Variants in RALGAPA2 observed in about 807,000 individuals in gnomAD.
RALGAPA2 encodes ral GTPase-activating protein subunit alpha-2.
In RALGAPA2, 139 loss-of-function variants were observed where a neutral mutation model predicts 230.4. The ratio of observed to expected loss-of-function variants is 0.60; its 90% CI spans 0.53 to 0.69. RALGAPA2 has a LOEUF of 0.69. Ranked by LOEUF, RALGAPA2 falls within the 30% of genes least tolerant of loss-of-function variation. RALGAPA2 has a pLI of 0.00. For synonymous variants in RALGAPA2, 847 were observed against 837.8 expected, an observed-to-expected ratio of 1.01 and a Z score of -0.19; for missense variants, 2,163 against 2,276.0, an observed-to-expected ratio of 0.95 and a Z score of 1.01.
chr20:20,498,522 A>T (rs929649573), intron 35 of RALGAPA2, among the ~76,000 whole-genome samples: 1 of 152,184 alleles, frequency 6.6e-6, no homozygotes. Context: ...TAATTGCATT[A>T]CATCGCCAGC....
At position 20,512,640 on chromosome 20, in the gene RALGAPA2, T is replaced by C; in HGVS notation, c.4729A>G (p.Ser1577Gly). ...QNAQEDEYIQSHNFDSAMKVT... is the reference protein window; with the variant it reads ...QNAQEDEYIQGHNFDSAMKVT... ...TTCATTGCAGAATCGAAGTTATGAC[T>C]CTGGATATACTCATCCTCTTGAGCA... The change falls in exon 32 of 40, where the codon AGT becomes GGT. Residue 1577 changes from serine (S) to glycine (G), a missense_variant. Transcript: ENST00000202677. The C allele has an allele frequency of 6.2e-7, 1 of 1,614,000 alleles. No homozygotes were observed. Among genetic ancestry groups the C allele is most frequent in the South Asian group, 1.1e-5 (1 of 91,078 alleles).
intron 37 of RALGAPA2, among the ~76,000 whole-genome samples, chr20:20,470,724 C>G (rs1226636386): frequency 6.6e-6 from 1 of 152,184 alleles, no homozygotes; most frequent in Non-Finnish European, 1.5e-5. Context: ...TGCAATCTCT[C>G]AACTTGTCAT....
chr20:20,461,204 G>A (rs2061294318), intron 37 of RALGAPA2, among the ~76,000 whole-genome samples: 1 of 152,080 alleles, frequency 6.6e-6, no homozygotes, highest in African/African-American at 2.4e-5. Context: ...TGTTAAAGAG[G>A]CATACATTCT....
At chr20:20,433,107 T>C (rs2060532962) in intron 37 of RALGAPA2, among the ~76,000 whole-genome samples, 1 of 152,230 alleles carries the variant, frequency 6.6e-6, no homozygotes, top group African/African-American at 2.4e-5. Flanking sequence ...AACACTTCTA[T>C]CCATTTGTCT....
chr20:20,464,119 C>A, intron 37 of RALGAPA2, among the ~76,000 whole-genome samples: 1 of 152,256 alleles, frequency 6.6e-6, no homozygotes, highest in South Asian at 2.1e-4. Flanking sequence ...ACAACCTTCC[C>A]GCAACAGACC....
At chr20:20,623,158 T>C (rs560075611) in intron 10 of RALGAPA2, among the ~76,000 whole-genome samples, 1 of 152,244 alleles carries the variant, frequency 6.6e-6, no homozygotes, top group Admixed American at 6.5e-5. Flanking sequence ...TGAATAATGA[T>C]CCAATCAAAA....
intron 1 of RALGAPA2, among the ~76,000 whole-genome samples, chr20:20,703,982 A>C (rs1568778050): frequency 1.3e-5 from 2 of 152,228 alleles, no homozygotes; most frequent in Non-Finnish European, 2.9e-5. Context: ...AGGAAAAAAA[A>C]CAAAGCCTTC....
intron 24 of RALGAPA2, among the ~76,000 whole-genome samples, chr20:20,542,825 A>G (rs549617045): frequency 6.6e-6 from 1 of 152,324 alleles, no homozygotes; most frequent in African/African-American, 2.4e-5. Context: ...AAACCTAGGC[A>G]ACACCATTCA....
intron 10 of RALGAPA2, among the ~76,000 whole-genome samples, chr20:20,628,765 A>G (rs1603120177): frequency 6.6e-6 from 1 of 152,208 alleles, no homozygotes; most frequent in African/African-American, 2.4e-5. Flanking sequence ...GATGTCACTC[A>G]CGGCCACTAA....
chr20:20,424,874 G>A lies in RALGAPA2; in HGVS notation c.5496-12726C>T, dbSNP rs540984228. 1.3e-4 allele frequency among the ~76,000 whole-genome samples: 19 copies of A among 150,792 alleles called. No homozygotes were observed. The East Asian group carries it at 3.7e-3, about 29-fold the overall frequency. ...TCCTGTTTGTGGCAAAGTATAAAAA[G>A]AGTAGACAATTAAAGAGCAACACAC... On this transcript the variant is annotated intron_variant, in intron 37 of 39. Coordinates refer to ENST00000202677, the MANE Select transcript of RALGAPA2 (RefSeq NM_020343.4).
chr20:20,623,138 T>G (rs2066372800), intron 10 of RALGAPA2, among the ~76,000 whole-genome samples: 1 of 152,110 alleles, frequency 6.6e-6, no homozygotes, highest in African/African-American at 2.4e-5. Flanking sequence ...AGTTGCTATG[T>G]TAAACGTAAT....
chr20:20,454,028 T>A (rs143052155), intron 37 of RALGAPA2, among the ~76,000 whole-genome samples: 1 of 152,270 alleles, frequency 6.6e-6, no homozygotes, highest in East Asian at 1.9e-4. Context: ...TAGGGCAGGA[T>A]GTGTGTAAAT....
At chr20:20,538,349 G>GCT (rs1454316056) in intron 24 of RALGAPA2, among the ~76,000 whole-genome samples, 3 of 152,178 alleles carry the variant, frequency 2.0e-5, no homozygotes, top group Non-Finnish European at 2.9e-5. Context: ...AATCAGGCAG[G>GCT]CTGGCGGTGG....
chr20:20,536,278 G>A (rs2063495818), intron 25 of RALGAPA2, among the ~76,000 whole-genome samples: 1 of 152,150 alleles, frequency 6.6e-6, no homozygotes, highest in Admixed American at 6.5e-5. Context: ...ATTTAATCAG[G>A]CCAACAAGGG....
intron 1 of RALGAPA2, among the ~76,000 whole-genome samples, chr20:20,704,594 C>A (rs1028146734): frequency 6.6e-6 from 1 of 152,234 alleles, no homozygotes; most frequent in African/African-American, 2.4e-5. Flanking sequence ...ATTTAAGGCA[C>A]ATGCTCCCCA....
chr20:20,614,738 G>A (rs1031761999), intron 13 of RALGAPA2, among the ~76,000 whole-genome samples: 4 of 152,136 alleles, frequency 2.6e-5, no homozygotes, highest in African/African-American at 9.7e-5. Flanking sequence ...GGACTTGGTG[G>A]CCTACAGTTC....
intron 16 of RALGAPA2, among the ~76,000 whole-genome samples, chr20:20,593,712 A>T (rs999136664): frequency 6.6e-6 from 1 of 152,250 alleles, no homozygotes; most frequent in Non-Finnish European, 1.5e-5. Context: ...AAAAACAGAT[A>T]GATGTTGGTT....
At chr20:20,676,190 T>C in intron 3 of RALGAPA2, 46 bp downstream of exon 3, 1 of 1,282,332 alleles carries the variant, frequency 7.8e-7, no homozygotes, top group Non-Finnish European at 1.1e-6. Flanking sequence ...AAATACTTTA[T>C]TTCCAACAAG....
At chr20:20,704,422 T>G (rs1017160535) in intron 1 of RALGAPA2, among the ~76,000 whole-genome samples, 4 of 152,156 alleles carry the variant, frequency 2.6e-5, no homozygotes, top group African/African-American at 9.7e-5. Flanking sequence ...CTCTTTCAAC[T>G]CCAAGACCCA....
Sources: allele counts gnomAD v4.1 joint callset (sites outside exome capture counted in the v4.1 genomes callset), GRCh38; gene constraint gnomAD v4.1.1; transcripts MANE v1.5; gene names NCBI Gene and HGNC (gene_info 2026-07-23, HGNC 2026-07-21).